ROS1: variants seen among roughly 807,000 people sequenced by gnomAD.
The protein encoded by ROS1 is proto-oncogene tyrosine-protein kinase ROS.
ROS1 carries 263 observed loss-of-function variants against 273.5 expected under a neutral mutation model. That is an observed-to-expected ratio of 0.96 (90% CI 0.87 to 1.06). The LOEUF (loss-of-function observed/expected upper bound fraction) is 1.06, where lower values mean the gene tolerates loss of function less well. ROS1 is among the 50% of genes least tolerant of loss of function. The pLI is 0.00. For missense variants in ROS1, 2,833 were observed against 2,751.1 expected (o/e 1.03, Z -0.67); for synonymous variants, 1,008 against 954.1 (o/e 1.06, Z -1.04).
At position 117,287,780 on chromosome 6, in the gene ROS1, C is replaced by T. The variant is rs1055480817; in HGVS notation, c.*712G>A. ...ACTAAAAATACAAAAATTAGCCGGG[C>T]GTGGTGGCACACGCCTGTAATCCCA... On this transcript the variant is annotated 3_prime_UTR_variant, in exon 44 of 44. Transcript: ENST00000368507. Among the ~76,000 whole-genome samples the T allele has an allele frequency of 1.3e-5, 2 of 151,824 alleles. No individual in the cohort carries two copies. Among genetic ancestry groups the T allele is most frequent in the African/African-American group, 4.8e-5 (2 of 41,322 alleles).
At chr6:117,420,846 G>T (rs1775699654) in intron 1 of ROS1, among the ~76,000 whole-genome samples, 1 of 151,730 alleles carries the variant, frequency 6.6e-6, no homozygotes, top group Admixed American at 6.6e-5. Context: ...GTCCCAACTT[G>T]CTGTTAACAG....
intron 19 of ROS1, 46 bp downstream of exon 19, chr6:117,366,030 A>C: frequency 7.0e-7 from 1 of 1,420,906 alleles, no homozygotes; most frequent in Admixed American, 1.7e-5. Context: ...CATTTATTTA[A>C]CTGAAGGTAT....
intron 26 of ROS1, 44 bp from the exon 27 acceptor site, chr6:117,353,210 C>G: frequency 7.3e-7 from 1 of 1,365,226 alleles, no homozygotes; most frequent in Non-Finnish European, 9.8e-7. Flanking sequence ...AAATTAATAT[C>G]TTACATTTTT....
chr6:117,297,340 C>T (rs377502751), intron 43 of ROS1, among the ~76,000 whole-genome samples: 46 of 152,262 alleles, frequency 3.0e-4, no homozygotes, highest in African/African-American at 1.1e-3. Context: ...ACTGAAAGCA[C>T]AGGCAACATG....
At chr6:117,333,361 C>G (rs1777236492) in intron 32 of ROS1, among the ~76,000 whole-genome samples, 1 of 151,990 alleles carries the variant, frequency 6.6e-6, no homozygotes, top group Non-Finnish European at 1.5e-5. Flanking sequence ...AATAGACTAC[C>G]AACCAAAAAA....
rs531081004 is a variant in ROS1, at chr6:117,425,627, C to A, written c.30G>T (p.Lys10Asn). 1 of 1,611,932 alleles carries A rather than the reference C, an allele frequency of 6.2e-7. No individual in the cohort carries two copies. The highest frequency in any genetic ancestry group is 1.1e-5 in the South Asian group (1 of 90,438). MKNIYCLIPKLVNFATLGCL... is the reference protein window; with the variant it reads MKNIYCLIPNLVNFATLGCL... ...AGCCAAGAGTTGCAAAATTGACAAG[C>A]TTCGGAATAAGACAGTAAATGTTCT... The change falls in exon 1 of 44, where the codon AAG (lysine) becomes AAT (asparagine). Residue 10 changes from lysine (K) to asparagine (N), a missense_variant. By Grantham distance (94) the Lys-to-Asn change is moderately conservative. Transcript: ENST00000368507.
chr6:117,318,153 T>C, intron 38 of ROS1, 35 bp downstream of exon 38: 1 of 1,548,366 alleles, frequency 6.5e-7, no homozygotes, highest in Non-Finnish European at 8.9e-7. Context: ...TTAAAACTTC[T>C]TACCCATACC....
chr6:117,343,061 G>A (rs1297275978), intron 28 of ROS1, among the ~76,000 whole-genome samples: 2 of 151,476 alleles, frequency 1.3e-5, no homozygotes, highest in East Asian at 3.9e-4. Context: ...GTTATCTGGG[G>A]TGAAGCCTAG....
At chr6:117,355,889 G>T (rs1396277988) in intron 26 of ROS1, among the ~76,000 whole-genome samples, 1 of 152,138 alleles carries the variant, frequency 6.6e-6, no homozygotes, top group Non-Finnish European at 1.5e-5. Flanking sequence ...GGGATTACAG[G>T]CATGAGCCAC....
intron 16 of ROS1, among the ~76,000 whole-genome samples, chr6:117,384,553 A>AG (rs1418427800): frequency 2.6e-5 from 4 of 152,220 alleles, no homozygotes; most frequent in African/African-American, 9.6e-5. Context: ...AATGGACAGC[A>AG]AGTACTTTCC....
chr6:117,402,161 C>T (rs2128722919), intron 7 of ROS1, among the ~76,000 whole-genome samples: 1 of 152,308 alleles, frequency 6.6e-6, no homozygotes, highest in East Asian at 1.9e-4. Context: ...TACCAAGATC[C>T]CTGAGGTAGA....
rs1342957273 is a variant in ROS1 at position 117,399,248 on chromosome 6, G to A, written c.605-2132C>T. Among the ~76,000 whole-genome samples, 4 of 152,218 alleles carry A rather than the reference G, an allele frequency of 2.6e-5. No homozygotes were observed. In the East Asian group the frequency reaches 7.7e-4, roughly 29 times the overall value. On this transcript the variant is annotated intron_variant, in intron 7 of 43. Coordinates refer to ENST00000368507, the MANE Select transcript of ROS1 (RefSeq NM_001378902.1). ...CATTATTTTGATTTGCCCAGCCAAT[G>A]TCCCTGCACGGTATTTCTGTAGCAC...
intron 4 of ROS1, among the ~76,000 whole-genome samples, chr6:117,413,167 T>C (rs2128740806): frequency 6.6e-6 from 1 of 152,324 alleles, no homozygotes; most frequent in East Asian, 1.9e-4. Flanking sequence ...TAAGAGGGAA[T>C]TTTTTCTGTT....
At chr6:117,379,220 A>G in intron 17 of ROS1, 61 bp from the exon 18 acceptor site, 1 of 957,180 alleles carries the variant, frequency 1.0e-6, no homozygotes, top group South Asian at 1.4e-5. Flanking sequence ...AACTTTGTGA[A>G]CAGGTCACAC....
chr6:117,415,403 T>G (rs1775263889), intron 3 of ROS1, among the ~76,000 whole-genome samples: 1 of 152,240 alleles, frequency 6.6e-6, no homozygotes, highest in Non-Finnish European at 1.5e-5. Flanking sequence ...TTTAACTCAT[T>G]AATAGAAAAT....
chr6:117,422,535 T>C (rs1582914277), intron 1 of ROS1, among the ~76,000 whole-genome samples: 1 of 152,190 alleles, frequency 6.6e-6, no homozygotes, highest in African/African-American at 2.4e-5. Flanking sequence ...AAATATTTTA[T>C]AAAATTTCTG....
chr6:117,388,116 G>A (rs562836631), intron 13 of ROS1, 124 bp from the exon 14 acceptor site: 20 of 1,400,366 alleles, frequency 1.4e-5, no homozygotes, highest in East Asian at 1.4e-4. Context: ...AGTAATATCC[G>A]CTACCCCGAT....
Position 117,394,034 on chromosome 6 carries a change from G to C in ROS1, c.1191+128C>G, listed in dbSNP as rs532937058. 3 of 534,880 alleles carry C rather than the reference G, an allele frequency of 5.6e-6. No individual in the cohort carries two copies. The East Asian group carries it at 1.0e-4, about 18-fold the overall frequency. 33.1% of individuals were successfully genotyped at this position (534,880 alleles called of 1,614,324 possible). ...AGATCTATGATTCATTGATAACCTA[G>C]TATCTAAGGCATAGTAAATACTTGA... On this transcript the variant is annotated intron_variant, in intron 11 of 43. Coordinates refer to ENST00000368507, the MANE Select transcript of ROS1 (RefSeq NM_001378902.1).
chr6:117,373,326 G>A (rs920722060), intron 18 of ROS1, among the ~76,000 whole-genome samples: 27 of 152,232 alleles, frequency 1.8e-4, no homozygotes, highest in Admixed American at 1.6e-3. Context: ...GGGATCGGGC[G>A]CCACGGAGCA....
Sources: allele counts gnomAD v4.1 joint callset (sites outside exome capture counted in the v4.1 genomes callset), GRCh38; gene constraint gnomAD v4.1.1; transcripts MANE v1.5; gene names NCBI Gene and HGNC (gene_info 2026-07-23, HGNC 2026-07-21).